DENND1B: variants seen among roughly 807,000 people sequenced by gnomAD.
DENND1B encodes the protein DENN domain-containing protein 1B.
DENND1B carries 59 observed loss-of-function variants against 90.1 expected under a neutral mutation model. That is an observed-to-expected ratio of 0.65 (90% CI 0.53 to 0.81). The LOEUF (loss-of-function observed/expected upper bound fraction) is 0.81, where lower values mean the gene tolerates loss of function less well. Among genes scored for constraint, DENND1B ranks in the 40% least tolerant of loss-of-function variants. The pLI is 0.00. For synonymous variants in DENND1B, 337 were observed against 324.6 expected (o/e 1.04, Z -0.41); for missense variants, 862 against 912.6 (o/e 0.94, Z 0.71).
chr1:197,733,479 A>G (rs1662339660), intron 2 of DENND1B, among the ~76,000 whole-genome samples: 1 of 152,166 alleles, frequency 6.6e-6, no homozygotes, highest in South Asian at 2.1e-4. Context: ...ACCTTCCAGG[A>G]AAGTTTTTTT....
At chr1:197,634,637 T>C (rs1288834501) in intron 10 of DENND1B, among the ~76,000 whole-genome samples, 1 of 152,140 alleles carries the variant, frequency 6.6e-6, no homozygotes, top group East Asian at 1.9e-4. Flanking sequence ...TAAAAAAAAT[T>C]ATCTAGTAGA....
At chr1:197,548,705 A>G (rs1450691364) in intron 16 of DENND1B, among the ~76,000 whole-genome samples, 1 of 152,144 alleles carries the variant, frequency 6.6e-6, no homozygotes, top group Non-Finnish European at 1.5e-5. Flanking sequence ...ATAAAATATG[A>G]TTAAAACTTA....
intron 11 of DENND1B, among the ~76,000 whole-genome samples, chr1:197,613,338 G>C (rs1677350030): frequency 6.6e-6 from 1 of 150,764 alleles, no homozygotes; most frequent in Non-Finnish European, 1.5e-5. Context: ...CTCCTCGTTA[G>C]CCTGTACATT....
At chr1:197,580,195 C>A (rs1674093473) in intron 15 of DENND1B, among the ~76,000 whole-genome samples, 1 of 147,638 alleles carries the variant, frequency 6.8e-6, no homozygotes, top group Admixed American at 6.8e-5. Context: ...AGGTACATGC[C>A]ATTTTCCTGC....
At chr1:197,558,480 T>A (rs1671890308) in intron 15 of DENND1B, among the ~76,000 whole-genome samples, 1 of 151,820 alleles carries the variant, frequency 6.6e-6, no homozygotes, top group Non-Finnish European at 1.5e-5. Context: ...TTTTAGGAGC[T>A]ATGAGCCAGG....
intron 18 of DENND1B, among the ~76,000 whole-genome samples, chr1:197,544,515 A>G (rs903662586): frequency 6.6e-6 from 1 of 151,994 alleles, no homozygotes; most frequent in African/African-American, 2.4e-5. Flanking sequence ...ATCATTTATT[A>G]TTTACTTTAT....
At chr1:197,544,980 A>AGG (rs1670670046) in intron 18 of DENND1B, among the ~76,000 whole-genome samples, 5 of 38,826 alleles carry the variant, frequency 1.3e-4, no homozygotes, top group Non-Finnish European at 1.8e-4. Context: ...AGGAAGGAGG[A>AGG]AGGGGAAGAA....
chr1:197,550,808 A>T (rs1344191423), intron 16 of DENND1B, among the ~76,000 whole-genome samples: 1 of 139,156 alleles, frequency 7.2e-6, no homozygotes, highest in Non-Finnish European at 1.6e-5. Flanking sequence ...AACTTTAATT[A>T]AAAAAAAAAA....
At chr1:197,535,786 G>T (rs535549924) in intron 20 of DENND1B, among the ~76,000 whole-genome samples, 1 of 152,212 alleles carries the variant, frequency 6.6e-6, no homozygotes, top group South Asian at 2.1e-4. Flanking sequence ...GGAGTTTATT[G>T]AACGAAGAAT....
chr1:197,735,388 A>G (rs570951957), intron 2 of DENND1B: 4 of 1,392,876 alleles, frequency 2.9e-6, no homozygotes, highest in South Asian at 3.1e-5. Flanking sequence ...TAAAATTTAA[A>G]AGTCCAAGAC....
intron 16 of DENND1B, among the ~76,000 whole-genome samples, chr1:197,549,197 A>G (rs1671038109): frequency 6.6e-6 from 1 of 152,104 alleles, no homozygotes; most frequent in Admixed American, 6.6e-5. Context: ...CAAAATATCT[A>G]TTTCTCATTT....
intron 7 of DENND1B, among the ~76,000 whole-genome samples, chr1:197,649,404 A>C (rs1400045990): frequency 6.6e-6 from 1 of 152,172 alleles, no homozygotes; most frequent in Non-Finnish European, 1.5e-5. Context: ...AGTACTAAGC[A>C]CCAGAACTAA....
intron 4 of DENND1B, among the ~76,000 whole-genome samples, chr1:197,673,254 A>ACTTTT (rs1465868658): frequency 6.6e-6 from 1 of 152,008 alleles, no homozygotes; most frequent in African/African-American, 2.4e-5. Context: ...CTTACTATTA[A>ACTTTT]TATGAAACGT....
chr1:197,684,410 T>C (rs16841876), intron 3 of DENND1B, among the ~76,000 whole-genome samples: 2,810 of 152,302 alleles, frequency 0.018, 82 homozygotes, highest in African/African-American at 0.063. Context: ...TTCATCGAGA[T>C]TGCAATCGAT....
intron 3 of DENND1B, among the ~76,000 whole-genome samples, chr1:197,688,464 AAGAC>A (rs746844945): frequency 6.6e-6 from 1 of 152,158 alleles, no homozygotes; most frequent in Admixed American, 6.6e-5. Flanking sequence ...TACTGGCAGA[AAGAC>A]AGACATATAA....
intron 14 of DENND1B, among the ~76,000 whole-genome samples, chr1:197,590,138 T>C (rs1242381245): frequency 1.3e-5 from 2 of 152,224 alleles, no homozygotes; most frequent in Non-Finnish European, 2.9e-5. Flanking sequence ...GTGGTTATGC[T>C]AAAGGGATTT....
intron 5 of DENND1B, among the ~76,000 whole-genome samples, chr1:197,663,684 T>C (rs1195080357): frequency 6.6e-6 from 1 of 152,110 alleles, no homozygotes; most frequent in African/African-American, 2.4e-5. Flanking sequence ...GGCTGAGTTG[T>C]GGCTTCTGTC....
chr1:197,755,063 ACTT>A (rs1435604210), intron 2 of DENND1B, among the ~76,000 whole-genome samples: 5 of 152,178 alleles, frequency 3.3e-5, no homozygotes, highest in African/African-American at 1.2e-4. Context: ...GCAAAGAAAA[ACTT>A]CATTCTACCT....
intron 10 of DENND1B, among the ~76,000 whole-genome samples, chr1:197,636,299 A>G (rs1054968315): frequency 1.3e-5 from 2 of 152,194 alleles, no homozygotes; most frequent in African/African-American, 4.8e-5. Flanking sequence ...AATCGACTAG[A>G]CCTGCAAAGA....
Sources: gnomAD v4.1 joint callset for allele counts (sites outside exome capture counted in the v4.1 genomes callset) on GRCh38, gnomAD v4.1.1 for gene constraint, MANE v1.5 for transcripts, NCBI Gene and HGNC (gene_info 2026-07-23, HGNC 2026-07-21) for gene names.